The following DENND6B variants were observed in gnomAD, a reference collection of about 807,000 sequenced individuals.
DENND6B encodes DENN domain containing 6B.
In DENND6B, 73 loss-of-function variants were observed where a neutral mutation model predicts 85.1. The observed-to-expected ratio is 0.86, with a 90% confidence interval of 0.71 to 1.04. The LOEUF is 1.04. Ranked by LOEUF, DENND6B falls within the 50% of genes least tolerant of loss-of-function variation. DENND6B has a pLI of 0.00. For synonymous variants in DENND6B, 357 were observed against 329.3 expected (o/e 1.08, Z -0.91); for missense variants, 715 against 785.8 (o/e 0.91, Z 1.08).
intron 1 of DENND6B, among the ~76,000 whole-genome samples, chr22:50,320,967 C>A (rs1032618216): frequency 6.6e-6 from 1 of 152,174 alleles, no homozygotes; most frequent in Non-Finnish European, 1.5e-5. Context: ...TCAGGCCACC[C>A]AGGGTTGGCC....
chr22:50,314,126 G>T, intron 13 of DENND6B, 81 bp downstream of exon 13: 1 of 1,475,146 alleles, frequency 6.8e-7, no homozygotes, highest in Non-Finnish European at 9.0e-7. Flanking sequence ...TGGGGGCCTG[G>T]CTGCCCCACC....
intron 18 of DENND6B, 42 bp downstream of exon 18, chr22:50,312,481 C>T (rs1179935919): frequency 1.3e-6 from 2 of 1,575,846 alleles, no homozygotes; most frequent in East Asian, 4.7e-5. Flanking sequence ...TGTGCCCACC[C>T]CCACCATGTT....
chr22:50,311,970 C>T lies in DENND6B; in HGVS notation c.*169G>A. The T allele has an allele frequency of 1.7e-6, 2 of 1,174,042 alleles. No individual in the cohort carries two copies. The highest frequency in any genetic ancestry group is 2.3e-6 in the Non-Finnish European group (2 of 859,510). The allele number at this position is 1,174,042 out of a possible 1,614,324, so 72.7% of individuals were successfully genotyped here. ...CTATGGTCAAGGCCATGCTGTGGTT[C>T]CAAATGTCGCCTTTACTGCTGAGAC... On this transcript the variant is annotated 3_prime_UTR_variant, in exon 20 of 20. Transcript: ENST00000413817.
intron 14 of DENND6B, 32 bp from the exon 15 acceptor site, chr22:50,313,756 C>A (rs200525134): frequency 6.2e-6 from 10 of 1,606,926 alleles, no homozygotes; most frequent in African/African-American, 1.3e-5. Context: ...GCCCTTGCTG[C>A]GCTTCACACC....
chr22:50,316,487 C>T lies in DENND6B; in HGVS notation c.454-12G>A, dbSNP rs374413694. On this transcript the variant is annotated splice_polypyrimidine_tract_variant and intron_variant, in intron 5 of 19. Coordinates refer to ENST00000413817, the MANE Select transcript of DENND6B (RefSeq NM_001001794.4). ...ACCAGCACCAAAGACTGCAGGGCCA[C>T]GGGGCCAGTTAGAGGCCCAGTGCCA... The T allele has an allele frequency of 8.3e-6, 13 of 1,563,668 alleles. No homozygotes were observed. The highest frequency in any genetic ancestry group is 1.7e-4 in the Middle Eastern group (1 of 6,014).
intron 5 of DENND6B, chr22:50,316,756 T>C: frequency 7.3e-7 from 1 of 1,366,500 alleles, no homozygotes; most frequent in Non-Finnish European, 9.6e-7. Context: ...TAGAACGACC[T>C]CCCCAGGGGC....
At position 50,326,992 on chromosome 22, in the gene DENND6B, G is replaced by C; in HGVS notation, c.-4C>G. On this transcript the variant is annotated 5_prime_UTR_variant, in exon 1 of 20. Transcript: ENST00000413817. Reference sequence around the variant, plus strand: ...CTGTGCCCAACAGCGCGTCCATGGCGGCGGCCGCGGGTTGCCGGGGAAACG... The same window carrying C: ...CTGTGCCCAACAGCGCGTCCATGGCCGCGGCCGCGGGTTGCCGGGGAAACG... The C allele has an allele frequency of 1.7e-6, 2 of 1,188,630 alleles. No individual in the cohort carries two copies. Among genetic ancestry groups the C allele is most frequent in the Non-Finnish European group, 2.1e-6 (2 of 961,312 alleles). 73.6% of individuals were successfully genotyped at this position (1,188,630 alleles called of 1,614,324 possible).
chr22:50,312,644 G>C lies in DENND6B; in HGVS notation c.1458-19C>G, dbSNP rs531979526. 1.3e-6 allele frequency: 2 copies of C among 1,545,024 alleles called. No individual in the cohort carries two copies. The highest frequency in any genetic ancestry group is 8.8e-7 in the Non-Finnish European group (1 of 1,141,800). On this transcript the variant is annotated intron_variant, in intron 17 of 19. Transcript: ENST00000413817. The stretch of plus-strand genomic sequence containing the variant: ...AAACCGCCTGTGGGGATTAACAGGC[G>C]GGGGGCCATGGGGCTGACCCTGGGG...
intron 1 of DENND6B, among the ~76,000 whole-genome samples, chr22:50,322,189 CT>C (rs2042066395): frequency 6.6e-6 from 1 of 151,816 alleles, no homozygotes; most frequent in South Asian, 2.1e-4. Context: ...ATTCTCCTGC[CT>C]CAGCCTCCTG....
chr22:50,313,759 T>C (rs758875338), intron 14 of DENND6B, 35 bp from the exon 15 acceptor site: 1 of 1,608,104 alleles, frequency 6.2e-7, no homozygotes, highest in East Asian at 2.2e-5. Context: ...CTTGCTGCGC[T>C]TCACACCACA....
chr22:50,320,764 G>A (rs2042018919), intron 1 of DENND6B, among the ~76,000 whole-genome samples: 1 of 152,204 alleles, frequency 6.6e-6, no homozygotes, highest in African/African-American at 2.4e-5. Flanking sequence ...GAAAAGGCGG[G>A]TACCTTCTGC....
chr22:50,317,960 G>A lies in DENND6B; in HGVS notation c.320C>T (p.Pro107Leu). ...RMRQCGGQRS[P>L]WHADDRHYNS... Reference sequence around the variant, plus strand: ...GTAGTGCCTGTCGTCGGCATGCCAGGGGCTCCTCTGCCCTCCACACTGGCG... The same window carrying A: ...GTAGTGCCTGTCGTCGGCATGCCAGAGGCTCCTCTGCCCTCCACACTGGCG... The change falls in exon 4 of 20, where the codon CCC becomes CTC. Residue 107 changes from proline to leucine, a missense_variant. Transcript: ENST00000413817. 1 of 1,612,158 alleles carries A rather than the reference G, an allele frequency of 6.2e-7. No homozygotes were observed. Among genetic ancestry groups the A allele is most frequent in the Non-Finnish European group, 8.5e-7 (1 of 1,179,684 alleles).
rs1399809959 is a variant in DENND6B, at chr22:50,310,279, G to GCC, written c.*1858_*1859dup. On this transcript the variant is annotated 3_prime_UTR_variant, in exon 20 of 20. Transcript: ENST00000413817. ...GCCACAGAACAGGTTTGCCACCTCG[G>GCC]CCTCTATGTGTTCTGTTTCATGTGG... 2 of 152,264 alleles carry GCC rather than the reference G, an allele frequency of 1.3e-5. No homozygotes were observed. The highest frequency in any genetic ancestry group is 2.9e-5 in the Non-Finnish European group (2 of 68,062). 9.4% of individuals were successfully genotyped at this position (152,264 alleles called of 1,614,324 possible). A position where few individuals can be genotyped will look rare whatever the true frequency, so the allele number is the denominator to read the frequency against.
chr22:50,319,242 T>G, intron 1 of DENND6B: 1 of 1,452,910 alleles, frequency 6.9e-7, no homozygotes, highest in Non-Finnish European at 9.1e-7. Flanking sequence ...CCACCTTCTC[T>G]GGCTGTGATG....
chr22:50,320,184 C>A (rs550691496), intron 1 of DENND6B, among the ~76,000 whole-genome samples: 20 of 152,366 alleles, frequency 1.3e-4, no homozygotes, highest in African/African-American at 4.6e-4. Flanking sequence ...CCTGAGCCCC[C>A]AGACAGTGAG....
chr22:50,316,406 C>T lies in DENND6B; in HGVS notation c.523G>A (p.Glu175Lys), dbSNP rs758613311. The T allele has an allele frequency of 2.4e-5, 38 of 1,586,098 alleles. No homozygotes were observed. Among genetic ancestry groups the T allele is most frequent in the South Asian group, 9.2e-5 (8 of 87,130 alleles). The change falls in exon 6 of 20, where the codon GAG becomes AAG. Residue 175 changes from glutamate (E) to lysine (K), a missense_variant. Glu to Lys is a moderately conservative substitution (Grantham distance 56, BLOSUM62 1). Transcript: ENST00000413817. ...CAGGGCGCCAGCTTGTCAAAGTACT[C>T]GGGGGCGATGAGGCTTAGCAGCGCT... The part of the protein sequence containing the change: ...FQALLSLIAP[E>K]YFDKLAPCLE...
In DENND6B at chr22:50,313,706, G is replaced by T; in HGVS notation, c.1222C>A (p.Pro408Thr). 1 of 1,601,794 alleles carries T rather than the reference G, an allele frequency of 6.2e-7. No individual in the cohort carries two copies. Residue 408 changes from proline (P) to threonine (T), a missense_variant, in exon 15 of 20, where the codon CCG becomes ACG. By Grantham distance (38) the Pro-to-Thr change is conservative (BLOSUM62 -1). Transcript: ENST00000413817. ...RLLKGVQKKR[P>T]SDVQSALLRR... ...AGCAGGGCGCTCTGCACATCTGACG[G>T]CCGCTTCTTCTGCACGCCCTGCAGG... is the stretch of plus-strand genomic sequence containing the variant.
At chr22:50,315,078 G>C in intron 9 of DENND6B, 157 bp from the exon 10 acceptor site, 1 of 1,127,894 alleles carries the variant, frequency 8.9e-7, no homozygotes, top group Non-Finnish European at 1.2e-6. Context: ...TGTGTCTCGG[G>C]TAATCATGAC....
intron 7 of DENND6B, 43 bp downstream of exon 7, chr22:50,316,131 C>T: frequency 6.2e-7 from 1 of 1,612,638 alleles, no homozygotes; most frequent in East Asian, 2.2e-5. Flanking sequence ...TAGGGCATCC[C>T]CACACACCTG....
Sources: gnomAD v4.1 joint callset for allele counts (sites outside exome capture counted in the v4.1 genomes callset) on GRCh38, gnomAD v4.1.1 for gene constraint, MANE v1.5 for transcripts, NCBI Gene and HGNC (gene_info 2026-07-23, HGNC 2026-07-21) for gene names.